The following NKAIN3 variants were observed in gnomAD, a reference collection of about 807,000 sequenced individuals.
NKAIN3 encodes sodium/potassium transporting ATPase interacting 3, also known as sodium/potassium-transporting ATPase subunit beta-1-interacting protein 3.
Under a neutral mutation model 30.2 loss-of-function variants are expected in NKAIN3, and 25 were observed. That is an observed-to-expected ratio of 0.83 (90% confidence interval 0.60 to 1.16). NKAIN3 has a LOEUF of 1.16. Among genes scored for constraint, NKAIN3 ranks in the 50% most tolerant of loss-of-function variants. NKAIN3 has a pLI of 0.00. For synonymous variants in NKAIN3, 91 were observed against 89.6 expected (o/e 1.02, Z -0.09); for missense variants, 225 against 254.1 (o/e 0.89, Z 0.78).
chr8:62,491,234 T>C (rs1405388718), intron 1 of NKAIN3, among the ~76,000 whole-genome samples: 1 of 151,138 alleles, frequency 6.6e-6, no homozygotes, highest in Non-Finnish European at 1.5e-5. Context: ...TCACCTCCAC[T>C]GACAATGTGT....
At chr8:62,955,026 C>T (rs1162341018) in intron 6 of NKAIN3, among the ~76,000 whole-genome samples, 1 of 152,104 alleles carries the variant, frequency 6.6e-6, no homozygotes, top group African/African-American at 2.4e-5. Flanking sequence ...TGAAAAGTTT[C>T]ACCTGCTGCC....
intron 1 of NKAIN3, among the ~76,000 whole-genome samples, chr8:62,466,427 G>A (rs375143085): frequency 4.6e-5 from 7 of 152,212 alleles, no homozygotes; most frequent in African/African-American, 1.7e-4. Flanking sequence ...GTACTCAGAT[G>A]TCAAACAACT....
chr8:62,770,983 T>C (rs1052364117), intron 4 of NKAIN3, among the ~76,000 whole-genome samples: 1 of 151,756 alleles, frequency 6.6e-6, no homozygotes, highest in African/African-American at 2.4e-5. Context: ...AAATGAGACA[T>C]GCAAAGAAAC....
chr8:62,532,312 A>T (rs961522107), intron 1 of NKAIN3, among the ~76,000 whole-genome samples: 1 of 152,166 alleles, frequency 6.6e-6, no homozygotes, highest in African/African-American at 2.4e-5. Flanking sequence ...CATCTATGCC[A>T]GGGCTATAAT....
At chr8:62,425,860 A>G (rs970936330) in intron 1 of NKAIN3, among the ~76,000 whole-genome samples, 1 of 151,864 alleles carries the variant, frequency 6.6e-6, no homozygotes, top group Admixed American at 6.6e-5. Flanking sequence ...TGCACGTTCC[A>G]TGTCTGTCTT....
downstream of NKAIN3, among the ~76,000 whole-genome samples, chr8:62,985,638 C>T (rs1237667151): frequency 1.3e-5 from 2 of 152,160 alleles, no homozygotes; most frequent in Non-Finnish European, 2.9e-5. Context: ...GAACATTTAA[C>T]ATCTGACCTG....
At chr8:62,791,464 C>G (rs1268843754) in intron 4 of NKAIN3, among the ~76,000 whole-genome samples, 1 of 151,986 alleles carries the variant, frequency 6.6e-6, no homozygotes, top group Non-Finnish European at 1.5e-5. Context: ...TTCAAAGGTC[C>G]AAATAAATGA....
chr8:62,676,672 T>C (rs1813487299), intron 3 of NKAIN3, among the ~76,000 whole-genome samples: 1 of 152,106 alleles, frequency 6.6e-6, no homozygotes, highest in Non-Finnish European at 1.5e-5. Context: ...ATGAGGTTTA[T>C]GTATCCATAA....
intron 6 of NKAIN3, among the ~76,000 whole-genome samples, 181 bp downstream of exon 6, chr8:62,954,153 AT>A (rs1183709428): frequency 1.3e-5 from 2 of 152,212 alleles, no homozygotes; most frequent in African/African-American, 2.4e-5. Context: ...TCCAAAAAGG[AT>A]TTGAAGCTGG....
chr8:62,545,962 T>C (rs1007380838), intron 1 of NKAIN3, among the ~76,000 whole-genome samples: 2 of 152,230 alleles, frequency 1.3e-5, no homozygotes, highest in Non-Finnish European at 2.9e-5. Context: ...CTGAATATTG[T>C]TAATCTTTAA....
At chr8:62,469,149 A>T (rs899615255) in intron 1 of NKAIN3, among the ~76,000 whole-genome samples, 50 of 152,272 alleles carry the variant, frequency 3.3e-4, no homozygotes, top group African/African-American at 1.1e-3. Flanking sequence ...CCCATTCTAA[A>T]ATAGTATCAA....
chr8:62,953,786 C>A (rs1292840648), intron 5 of NKAIN3, 116 bp from the exon 6 acceptor site: 1 of 185,040 alleles, frequency 5.4e-6, no homozygotes, highest in African/African-American at 2.4e-5. Flanking sequence ...AACATTTTTT[C>A]ATTTTATGGT....
chr8:62,495,261 A>G (rs1416240482), intron 1 of NKAIN3, among the ~76,000 whole-genome samples: 1 of 152,116 alleles, frequency 6.6e-6, no homozygotes, highest in African/African-American at 2.4e-5. Context: ...TTAAATGAGG[A>G]ATTGAAAGTA....
chr8:62,806,942 A>G (rs1429061736), intron 4 of NKAIN3, among the ~76,000 whole-genome samples: 1 of 152,064 alleles, frequency 6.6e-6, no homozygotes, highest in African/African-American at 2.4e-5. Flanking sequence ...GGCACAGAGG[A>G]TAGTGCGTGA....
intron 4 of NKAIN3, among the ~76,000 whole-genome samples, chr8:62,807,958 AAG>A (rs1287802877): frequency 1.3e-5 from 2 of 152,004 alleles, no homozygotes; most frequent in East Asian, 1.9e-4. Flanking sequence ...TTAATAAAAA[AAG>A]AAAATTATTT....
At chr8:62,752,108 A>G (rs1034364183) in intron 4 of NKAIN3, among the ~76,000 whole-genome samples, 1 of 152,200 alleles carries the variant, frequency 6.6e-6, no homozygotes, top group African/African-American at 2.4e-5. Context: ...GGTGAACACA[A>G]AAGGAATCTA....
intron 3 of NKAIN3, among the ~76,000 whole-genome samples, chr8:62,669,119 G>A (rs1813219736): frequency 6.6e-6 from 1 of 152,256 alleles, no homozygotes; most frequent in Admixed American, 6.5e-5. Flanking sequence ...TTAAGGCAAA[G>A]CCTCACTCAC....
chr8:62,855,158 A>G, intron 4 of NKAIN3: 1 of 243,302 alleles, frequency 4.1e-6, no homozygotes, highest in East Asian at 1.0e-4. Flanking sequence ...TCACCGTGGC[A>G]ACAGAAAGCC....
Position 62,311,405 on chromosome 8 carries a change from A to G in NKAIN3, c.54+62278A>G, listed in dbSNP as rs145822847. 3.3e-3 allele frequency among the ~76,000 whole-genome samples: 489 copies of G among 150,460 alleles called. 40 individuals carry two copies. Among genetic ancestry groups the G allele is most frequent in the African/African-American group, 0.011 (443 of 39,840 alleles). ...AAGGCAGGCATTATGGGACCTATTT[A>G]TATGGTCCAGAAACTGGGGCCTACG... On this transcript the variant is annotated intron_variant, in intron 1 of 6. Coordinates refer to ENST00000623646, the MANE Select transcript of NKAIN3 (RefSeq NM_001304533.3).
Sources: allele counts gnomAD v4.1 joint callset (sites outside exome capture counted in the v4.1 genomes callset), GRCh38; gene constraint gnomAD v4.1.1; transcripts MANE v1.5; gene names NCBI Gene and HGNC (gene_info 2026-07-23, HGNC 2026-07-21).